Variants in RALYL observed in about 807,000 individuals in gnomAD.
RALYL encodes the protein RNA-binding Raly-like protein.
RALYL carries 29 observed loss-of-function variants against 35.1 expected under a neutral mutation model. The observed-to-expected ratio is 0.83, with a 90% CI of 0.61 to 1.13. RALYL has a LOEUF of 1.13. Among genes scored for constraint, RALYL ranks in the 50% most tolerant of loss-of-function variants. The pLI, the probability that RALYL is intolerant of heterozygous loss-of-function variation, is 0.00. For missense variants in RALYL, 359 were observed against 360.4 expected, an observed-to-expected ratio of 1.00 and a Z score of 0.03; for synonymous variants, 120 against 127.6, an observed-to-expected ratio of 0.94 and a Z score of 0.40.
chr8:84,699,720 C>A (rs1839858651), intron 2 of RALYL, among the ~76,000 whole-genome samples: 1 of 152,112 alleles, frequency 6.6e-6, no homozygotes, highest in African/African-American at 2.4e-5. Flanking sequence ...CAATGCACAT[C>A]TCCAATAAAC....
At chr8:84,517,886 A>C (rs2058181315) in intron 1 of RALYL, among the ~76,000 whole-genome samples, 1 of 152,160 alleles carries the variant, frequency 6.6e-6, no homozygotes, top group African/African-American at 2.4e-5. Flanking sequence ...CATAGTTTCT[A>C]TCACCATTTT....
intron 1 of RALYL, among the ~76,000 whole-genome samples, chr8:84,289,002 G>C (rs1484296965): frequency 4.6e-5 from 7 of 152,026 alleles, no homozygotes; most frequent in African/African-American, 1.7e-4. Flanking sequence ...CAAAACAAAG[G>C]GTGGGAAGAC....
chr8:84,615,357 A>G (rs1480745138), intron 2 of RALYL, among the ~76,000 whole-genome samples: 1 of 151,290 alleles, frequency 6.6e-6, no homozygotes, highest in Non-Finnish European at 1.5e-5. Flanking sequence ...AAAAAACAGA[A>G]CGTCCTTATG....
chr8:84,750,218 AGAGTT>A (rs1438946437), intron 2 of RALYL, among the ~76,000 whole-genome samples: 1 of 152,204 alleles, frequency 6.6e-6, no homozygotes, highest in African/African-American at 2.4e-5. Flanking sequence ...TTCTGATTAA[AGAGTT>A]AAAGAGAAGA....
intron 1 of RALYL, among the ~76,000 whole-genome samples, chr8:84,308,116 C>A (rs117188351): frequency 4.1e-5 from 6 of 145,338 alleles, no homozygotes; most frequent in Non-Finnish European, 6.1e-5. Flanking sequence ...AAATTAGGAA[C>A]ATAAAGGCTA....
chr8:84,897,389 G>T (rs1006797458), intron 8 of RALYL, among the ~76,000 whole-genome samples: 3 of 152,156 alleles, frequency 2.0e-5, no homozygotes, highest in South Asian at 4.1e-4. Flanking sequence ...TGATAAGAAA[G>T]ACTTCAGGAA....
intron 6 of RALYL, chr8:84,864,880 T>C (rs1056688932): frequency 1.3e-5 from 6 of 461,802 alleles, no homozygotes; most frequent in Non-Finnish European, 2.0e-5. Context: ...CCAGCCATGA[T>C]GTACTTGAGC....
chr8:84,597,199 C>T (rs1814766504), intron 2 of RALYL, among the ~76,000 whole-genome samples: 1 of 152,190 alleles, frequency 6.6e-6, no homozygotes, highest in East Asian at 1.9e-4. Context: ...GGAATAAGTC[C>T]TTTATCACCG....
At chr8:84,810,502 A>G (rs1825672684) in intron 4 of RALYL, among the ~76,000 whole-genome samples, 1 of 152,154 alleles carries the variant, frequency 6.6e-6, no homozygotes, top group Admixed American at 6.5e-5. Context: ...TGTTAAGACC[A>G]TTTGTTCCAA....
At chr8:84,762,094 A>AG in intron 2 of RALYL, among the ~76,000 whole-genome samples, 1 of 152,228 alleles carries the variant, frequency 6.6e-6, no homozygotes, top group East Asian at 1.9e-4. Context: ...AGGAGACCAG[A>AG]ATAGCTAAAG....
Position 84,676,910 on chromosome 8 carries a change from C to T in RALYL, c.257-97669C>T, listed in dbSNP as rs185794564. 2.2e-3 allele frequency among the ~76,000 whole-genome samples: 342 copies of T among 152,208 alleles called. 1 individual carries two copies. The highest frequency in any genetic ancestry group is 3.2e-3 in the Non-Finnish European group (219 of 68,018). ...CTCTGCCTCCCGGGTTCAAGCAATT[C>T]TTCTGCTCAGCCTCCCAAGTAGCTA... On this transcript the variant is annotated intron_variant, in intron 2 of 8. Transcript: ENST00000521268.
chr8:84,870,816 T>G (rs1840064118), intron 6 of RALYL, among the ~76,000 whole-genome samples: 1 of 152,042 alleles, frequency 6.6e-6, no homozygotes, highest in African/African-American at 2.4e-5. Flanking sequence ...AGATAGTGAC[T>G]CTGCATGAAG....
At chr8:84,253,343 C>A (rs1341745748) in intron 1 of RALYL, among the ~76,000 whole-genome samples, 2 of 150,178 alleles carry the variant, frequency 1.3e-5, no homozygotes, top group Non-Finnish European at 3.0e-5. Context: ...GTGTGTGCCA[C>A]CACGCCAGGC....
chr8:84,839,649 G>A (rs891534824), intron 4 of RALYL, among the ~76,000 whole-genome samples: 12 of 152,174 alleles, frequency 7.9e-5, no homozygotes, highest in East Asian at 7.7e-4. Flanking sequence ...GCTGGACATC[G>A]GAGAATGGAC....
intron 4 of RALYL, among the ~76,000 whole-genome samples, chr8:84,841,646 C>G (rs1447981565): frequency 6.6e-6 from 1 of 152,172 alleles, no homozygotes; most frequent in Non-Finnish European, 1.5e-5. Context: ...ACTGTCTACC[C>G]CAAATCAACA....
At chr8:84,752,697 C>T (rs1052766871) in intron 2 of RALYL, among the ~76,000 whole-genome samples, 8 of 152,122 alleles carry the variant, frequency 5.3e-5, no homozygotes, top group African/African-American at 1.9e-4. Flanking sequence ...GAAAGGGTCC[C>T]AGGTACAGCT....
intron 1 of RALYL, among the ~76,000 whole-genome samples, chr8:84,207,548 T>C (rs561460702): frequency 6.6e-6 from 1 of 151,970 alleles, no homozygotes; most frequent in South Asian, 2.1e-4. Flanking sequence ...AGAATCATGG[T>C]TGCTTGGGAA....
At chr8:84,555,483 AACCTCTTTAGGC>A (rs532212327) in intron 2 of RALYL, among the ~76,000 whole-genome samples, 4 of 152,276 alleles carry the variant, frequency 2.6e-5, no homozygotes, top group African/African-American at 9.6e-5. Context: ...CATCCTGTGG[AACCTCTTTAGGC>A]TGTTTCATGC....
chr8:84,425,783 CTGTGTGTGTGTGTG>C (rs1554662152), intron 1 of RALYL, among the ~76,000 whole-genome samples: 15 of 144,598 alleles, frequency 1.0e-4, no homozygotes, highest in Admixed American at 7.6e-4. Flanking sequence ...AGTTTTTCTT[CTGTGTGTGTGTGTG>C]TGTGTGTGTG....
Sources: gnomAD v4.1 joint callset for allele counts (sites outside exome capture counted in the v4.1 genomes callset) on GRCh38, gnomAD v4.1.1 for gene constraint, MANE v1.5 for transcripts, NCBI Gene and HGNC (gene_info 2026-07-23, HGNC 2026-07-21) for gene names.